The following SH3GL1 variants were observed in gnomAD, a reference collection of about 807,000 sequenced individuals.
SH3GL1 encodes SH3 domain containing GRB2 like 1, endophilin A2.
Under a neutral mutation model 48.8 loss-of-function variants are expected in SH3GL1, and 21 were observed. The observed-to-expected ratio is 0.43, with a 90% CI of 0.30 to 0.62. The LOEUF is 0.62. Ranked by LOEUF, SH3GL1 falls within the 20% of genes least tolerant of loss-of-function variation. The probability of loss-of-function intolerance (pLI) is 0.11; values close to 1 mark genes in which losing one functional copy is unlikely to be tolerated. For synonymous variants in SH3GL1, 282 were observed against 217.5 expected (o/e 1.30, Z -2.61); for missense variants, 454 against 503.0 (o/e 0.90, Z 0.93).
chr19:4,360,576 A>C lies in SH3GL1; in HGVS notation c.*1024T>G, dbSNP rs1395889385. 1.7e-5 allele frequency: 4 copies of C among 233,080 alleles called. No individual in the cohort carries two copies. Among genetic ancestry groups the C allele is most frequent in the Non-Finnish European group, 3.4e-5 (4 of 118,126 alleles). 14.4% of individuals were successfully genotyped at this position (233,080 alleles called of 1,614,324 possible). On this transcript the variant is annotated 3_prime_UTR_variant, in exon 10 of 10. Transcript: ENST00000269886. The stretch of plus-strand genomic sequence containing the variant: ...GGGGAATGTGAATGTGGCCTGGCCC[A>C]GAGAACTCCCCATTTCATCGATTTT...
At chr19:4,394,664 C>T (rs1286959747) in intron 1 of SH3GL1, among the ~76,000 whole-genome samples, 2 of 152,204 alleles carry the variant, frequency 1.3e-5, no homozygotes, top group African/African-American at 4.8e-5. Flanking sequence ...GAACCAACAA[C>T]ACAGCCTCGC....
intron 1 of SH3GL1, among the ~76,000 whole-genome samples, chr19:4,397,974 G>T (rs1198837406): frequency 3.9e-5 from 6 of 152,072 alleles, no homozygotes; most frequent in African/African-American, 1.5e-4. Context: ...AGCCTCCCAA[G>T]TAGCTGGGAC....
Position 4,362,624 on chromosome 19 carries a change from G to T in SH3GL1, c.841C>A (p.Pro281Thr). The T allele has an allele frequency of 6.2e-7, 1 of 1,613,746 alleles. No homozygotes were observed. Among genetic ancestry groups the T allele is most frequent in the South Asian group, 1.1e-5 (1 of 91,068 alleles). The change falls in exon 8 of 10, where the codon CCC (proline) becomes ACC (threonine). Residue 281 changes from proline to threonine, a missense_variant. Pro to Thr is a conservative substitution (Grantham distance 38). Transcript: ENST00000269886. The part of the protein sequence containing the change: ...SNGGFPCTTA[P>T]KIAASSSFRS... ...CATGCCCCATTACCTGCGATCTTGG[G>T]GGCTGTGGTGCAGGGGAAGCCCCCG...
intron 1 of SH3GL1, among the ~76,000 whole-genome samples, chr19:4,393,610 T>C (rs1973375153): frequency 6.6e-6 from 1 of 151,790 alleles, no homozygotes; most frequent in Non-Finnish European, 1.5e-5. Flanking sequence ...GACCAACATG[T>C]GAAACCCCGT....
At position 4,361,324 on chromosome 19, in the gene SH3GL1, T is replaced by C; in HGVS notation, c.*276A>G. ...CGCCTCGGCCAGCTGGGCGAGAAGT[T>C]GGGGAGCGGGGGAGGAGGCTGGCGC... On this transcript the variant is annotated 3_prime_UTR_variant, in exon 10 of 10. Transcript: ENST00000269886. 1 of 502,884 alleles carries C rather than the reference T, an allele frequency of 2.0e-6. No homozygotes were observed. Among genetic ancestry groups the C allele is most frequent in the Non-Finnish European group, 3.5e-6 (1 of 282,092 alleles). 31.2% of individuals were successfully genotyped at this position (502,884 alleles called of 1,614,324 possible). A position where few individuals can be genotyped will look rare whatever the true frequency, so the allele number is the denominator to read the frequency against.
intron 7 of SH3GL1, among the ~76,000 whole-genome samples, 161 bp downstream of exon 7, chr19:4,363,209 C>T (rs1454266371): frequency 6.6e-6 from 1 of 152,322 alleles, no homozygotes; most frequent in East Asian, 1.9e-4. Context: ...CCCAGCTCCT[C>T]TGACCTCGCG....
intron 1 of SH3GL1, among the ~76,000 whole-genome samples, chr19:4,386,923 T>A (rs375194682): frequency 2.0e-5 from 3 of 152,134 alleles, no homozygotes; most frequent in South Asian, 4.1e-4. Flanking sequence ...CCGCTGCAAT[T>A]CCCCTTCTGT....
intron 4 of SH3GL1, chr19:4,364,735 T>G (rs1032748163): frequency 1.3e-5 from 2 of 152,408 alleles, no homozygotes; most frequent in African/African-American, 5.1e-5. Flanking sequence ...GGTTTTTGTT[T>G]TGTTTTGTTT....
chr19:4,380,196 C>T (rs112772956), intron 1 of SH3GL1: 4 of 152,622 alleles, frequency 2.6e-5, no homozygotes, highest in African/African-American at 4.8e-5. Flanking sequence ...CTTCTTCCTA[C>T]ATCCAAATTC....
rs1599589330 is a variant in SH3GL1, at chr19:4,363,250, G to A, written c.728+120C>T. 5 of 800,642 alleles carry A rather than the reference G, an allele frequency of 6.2e-6. No homozygotes were observed. In the East Asian group the frequency reaches 8.0e-5, roughly 13 times the overall value. 49.6% of individuals were successfully genotyped at this position (800,642 alleles called of 1,614,324 possible). A position where few individuals can be genotyped will look rare whatever the true frequency, so the allele number is the denominator to read the frequency against. Reference sequence around the variant, plus strand: ...CCAGGCCTTTCCACTCAGTCCCCAGGAAGAATCCAGGATGCTGCTCTGCCA... The same window carrying A: ...CCAGGCCTTTCCACTCAGTCCCCAGAAAGAATCCAGGATGCTGCTCTGCCA... On this transcript the variant is annotated intron_variant, in intron 7 of 9. Coordinates refer to ENST00000269886, the MANE Select transcript of SH3GL1 (RefSeq NM_003025.4).
intron 1 of SH3GL1, among the ~76,000 whole-genome samples, chr19:4,387,156 T>G (rs1973251018): frequency 6.6e-6 from 1 of 152,096 alleles, no homozygotes; most frequent in Non-Finnish European, 1.5e-5. Context: ...CAGGATGGTC[T>G]CGATCTCCTG....
chr19:4,380,162 C>T (rs1973092041), intron 1 of SH3GL1: 2 of 152,462 alleles, frequency 1.3e-5, no homozygotes, highest in African/African-American at 4.8e-5. Flanking sequence ...CTCCCTGCAC[C>T]GGAAACTCTC....
intron 1 of SH3GL1, among the ~76,000 whole-genome samples, chr19:4,383,343 T>C (rs763208346): frequency 6.6e-6 from 1 of 151,928 alleles, no homozygotes; most frequent in African/African-American, 2.4e-5. Flanking sequence ...GTCTCCCGAG[T>C]AGCTGGGACT....
intron 1 of SH3GL1, among the ~76,000 whole-genome samples, chr19:4,397,226 G>C (rs191596079): frequency 3.9e-5 from 6 of 152,174 alleles, no homozygotes; most frequent in Non-Finnish European, 8.8e-5. Flanking sequence ...CTAAGAGCAC[G>C]ACTCAGGACA....
intron 1 of SH3GL1, among the ~76,000 whole-genome samples, chr19:4,385,149 G>A (rs1213569530): frequency 6.6e-6 from 1 of 151,394 alleles, no homozygotes; most frequent in African/African-American, 2.4e-5. Context: ...AAGAAAGCAC[G>A]TGATCCTGTT....
intron 1 of SH3GL1, among the ~76,000 whole-genome samples, chr19:4,369,972 G>A (rs147843971): frequency 1.3e-5 from 2 of 152,270 alleles, no homozygotes; most frequent in African/African-American, 2.4e-5. Flanking sequence ...AGCGCCGGCC[G>A]CAAGCGCGGA....
chr19:4,378,188 A>G (rs570395797), intron 1 of SH3GL1, among the ~76,000 whole-genome samples: 1 of 152,150 alleles, frequency 6.6e-6, no homozygotes, highest in African/African-American at 2.4e-5. Flanking sequence ...AATAAATAAG[A>G]AGCAGCCCTG....
rs1240560821 is a variant in SH3GL1 at position 4,366,781 on chromosome 19, C to G, written c.114+145G>C. On this transcript the variant is annotated intron_variant, in intron 2 of 9. Coordinates refer to ENST00000269886, the MANE Select transcript of SH3GL1 (RefSeq NM_003025.4). ...GCCCGTCAAGTCCAGCTGACGAGGC[C>G]CCCACACCACCCCATCTCTCCACAC... 1.7e-5 allele frequency: 16 copies of G among 940,648 alleles called. No individual in the cohort carries two copies. In the East Asian group the frequency reaches 3.8e-4, roughly 22 times the overall value. 58.3% of individuals were successfully genotyped at this position (940,648 alleles called of 1,614,324 possible).
At chr19:4,379,438 AAAAT>A (rs56704705) in intron 1 of SH3GL1, among the ~76,000 whole-genome samples, 1,627 of 151,468 alleles carry the variant, frequency 0.011, 29 homozygotes, top group African/African-American at 0.038. Flanking sequence ...AAAAAAAAAA[AAAAT>A]AAAGCAGCAA....
Sources: allele counts gnomAD v4.1 joint callset (sites outside exome capture counted in the v4.1 genomes callset), GRCh38; gene constraint gnomAD v4.1.1; transcripts MANE v1.5; gene names NCBI Gene and HGNC (gene_info 2026-07-23, HGNC 2026-07-21).